OSGIN2: variants seen among roughly 807,000 people sequenced by gnomAD.
OSGIN2 encodes oxidative stress induced growth inhibitor family member 2, also known as oxidative stress-induced growth inhibitor 2.
OSGIN2 carries 19 observed loss-of-function variants against 53.8 expected under a neutral mutation model. The observed-to-expected ratio is 0.35, with a 90% CI of 0.25 to 0.52. The LOEUF (loss-of-function observed/expected upper bound fraction) is 0.52. Among genes scored for constraint, OSGIN2 ranks in the 20% least tolerant of loss-of-function variants. The probability of loss-of-function intolerance (pLI) is 0.95; values close to 1 mark genes in which losing one functional copy is unlikely to be tolerated. For synonymous variants in OSGIN2, 236 were observed against 236.0 expected (o/e 1.00, Z 0.00); for missense variants, 520 against 662.7 (o/e 0.78, Z 2.36).
At chr8:89,919,700 G>C (rs1484331040) in intron 4 of OSGIN2, among the ~76,000 whole-genome samples, 3 of 152,142 alleles carry the variant, frequency 2.0e-5, no homozygotes, top group African/African-American at 7.2e-5. Flanking sequence ...CAGGCACAAG[G>C]CTGAATTTCT....
rs2130723390 is a variant in OSGIN2, at chr8:89,927,455, A to G, written c.*1923A>G. On this transcript the variant is annotated 3_prime_UTR_variant, in exon 6 of 6. Coordinates refer to ENST00000451899, the MANE Select transcript of OSGIN2 (RefSeq NM_001126111.3). ...ATTTGGGCATTTTCTCTGATATACT[A>G]TACTCTCATGTTCTATAAATTTCTG... 1 of 152,324 alleles carries G rather than the reference A, an allele frequency of 6.6e-6. No individual in the cohort carries two copies. The highest frequency in any genetic ancestry group is 2.1e-4 in the South Asian group (1 of 4,830). 9.4% of individuals were successfully genotyped at this position (152,324 alleles called of 1,614,324 possible). A position where few individuals can be genotyped will look rare whatever the true frequency, so the allele number is the denominator to read the frequency against.
In OSGIN2 at chr8:89,924,146, A is replaced by G. The variant is rs1056387575; in HGVS notation, c.621-357A>G. On this transcript the variant is annotated intron_variant, in intron 5 of 5. Coordinates refer to ENST00000451899, the MANE Select transcript of OSGIN2 (RefSeq NM_001126111.3). ...TGAAAATAATTCAGTTGATAGTTAT[A>G]GATTATAATTGTGAGATAAAGTAGT... 4.6e-5 allele frequency among the ~76,000 whole-genome samples: 7 copies of G among 152,322 alleles called. No individual in the cohort carries two copies. In the South Asian group the frequency reaches 6.2e-4, roughly 14 times the overall value.
At chr8:89,922,982 G>T (rs916206783) in intron 5 of OSGIN2, among the ~76,000 whole-genome samples, 2 of 152,030 alleles carry the variant, frequency 1.3e-5, no homozygotes, top group African/African-American at 4.8e-5. Context: ...CGATATAAAA[G>T]ATTTAAAATG....
At chr8:89,911,183 AC>A (rs1808959416) in intron 2 of OSGIN2, among the ~76,000 whole-genome samples, 1 of 152,024 alleles carries the variant, frequency 6.6e-6, no homozygotes, top group Non-Finnish European at 1.5e-5. Context: ...TCTCCCTTTC[AC>A]CACAACTGGG....
intron 1 of OSGIN2, 28 bp from the exon 2 acceptor site, chr8:89,909,539 T>C: frequency 7.5e-7 from 1 of 1,330,574 alleles, no homozygotes. Context: ...CTATATCTCT[T>C]TTTATTCCCC....
At chr8:89,913,881 C>G (rs895729928) in intron 2 of OSGIN2, among the ~76,000 whole-genome samples, 196 bp from the exon 3 acceptor site, 1 of 152,070 alleles carries the variant, frequency 6.6e-6, no homozygotes, top group Admixed American at 6.6e-5. Context: ...AGAGTTGAAG[C>G]CTTGAGTAGA....
At chr8:89,912,472 T>C (rs753945306) in intron 2 of OSGIN2, among the ~76,000 whole-genome samples, 7 of 152,130 alleles carry the variant, frequency 4.6e-5, no homozygotes, top group Non-Finnish European at 8.8e-5. Flanking sequence ...AAACTCCTGA[T>C]TGGTTGGGCG....
intron 4 of OSGIN2, 79 bp from the exon 5 acceptor site, chr8:89,921,001 A>G: frequency 3.7e-6 from 3 of 809,814 alleles, no homozygotes; most frequent in Non-Finnish European, 6.0e-6. Flanking sequence ...TGAGATGGAT[A>G]TGGTTAAAAA....
chr8:89,925,707 T>C lies in OSGIN2; in HGVS notation c.*175T>C. Reference sequence around the variant, plus strand: ...TTTGGTATCCTGATTTATATTGCAGTGTTTCAAAGGTGTCACTGTCAGACA... The same window carrying C: ...TTTGGTATCCTGATTTATATTGCAGCGTTTCAAAGGTGTCACTGTCAGACA... On this transcript the variant is annotated 3_prime_UTR_variant, in exon 6 of 6. Transcript: ENST00000451899. 1.8e-6 allele frequency: 1 copy of C among 550,714 alleles called. No individual in the cohort carries two copies. Among genetic ancestry groups the C allele is most frequent in the Non-Finnish European group, 3.2e-6 (1 of 311,992 alleles). The allele number at this position is 550,714 out of a possible 1,614,324, so 34.1% of individuals were successfully genotyped here. A position where few individuals can be genotyped will look rare whatever the true frequency, so the allele number is the denominator to read the frequency against.
At chr8:89,911,062 A>G (rs1388214066) in intron 2 of OSGIN2, among the ~76,000 whole-genome samples, 1 of 152,202 alleles carries the variant, frequency 6.6e-6, no homozygotes, top group Non-Finnish European at 1.5e-5. Context: ...AGGTGTTGGC[A>G]GGGCTGTGTT....
intron 4 of OSGIN2, among the ~76,000 whole-genome samples, chr8:89,916,354 T>A (rs1809078865): frequency 6.6e-6 from 1 of 152,188 alleles, no homozygotes; most frequent in African/African-American, 2.4e-5. Context: ...AGTTGCTGAT[T>A]TTTTTCAGGC....
intron 1 of OSGIN2, among the ~76,000 whole-genome samples, chr8:89,909,047 TATAC>T (rs200880605): frequency 0.052 from 5,571 of 107,270 alleles, 436 homozygotes; most frequent in African/African-American, 0.19. Context: ...AATATATATA[TATAC>T]ATATATATAT....
At chr8:89,923,116 G>A (rs1010566245) in intron 5 of OSGIN2, among the ~76,000 whole-genome samples, 3 of 152,074 alleles carry the variant, frequency 2.0e-5, no homozygotes, top group African/African-American at 7.2e-5. Flanking sequence ...GAATGTGAAG[G>A]CCTAGCACAT....
rs142179963 is a variant in OSGIN2, at chr8:89,906,556, T to A, written c.45-3011T>A. Among the ~76,000 whole-genome samples the A allele has an allele frequency of 6.7e-3, 1,025 of 152,176 alleles. 14 individuals are homozygous for A. The highest frequency in any genetic ancestry group is 0.023 in the African/African-American group (943 of 41,446). On this transcript the variant is annotated intron_variant, in intron 1 of 5. Transcript: ENST00000451899. ...TTTGGTTTTCTGTTCCTGTGTTAGTTTGCTAAGGATAAGGGCCTCCAGCTC... is the reference window on the plus strand; with the variant it reads ...TTTGGTTTTCTGTTCCTGTGTTAGTATGCTAAGGATAAGGGCCTCCAGCTC...
chr8:89,914,076 G>A lies in OSGIN2; in HGVS notation c.200-1G>A. 1 of 1,608,372 alleles carries A rather than the reference G, an allele frequency of 6.2e-7. No homozygotes were observed. The stretch of plus-strand genomic sequence containing the variant: ...CCCTTTCCACCTTTTATTTTTAATA[G>A]GAAATGGACCCTCAGGAATATGCCT... On this transcript the variant is annotated splice_acceptor_variant, in intron 2 of 5. Transcript: ENST00000451899. LOFTEE classifies it high-confidence loss of function.
rs747352957 is a variant in OSGIN2, at chr8:89,921,082, T to C, written c.531T>C (p.Asn177=). Residue 177 remains asparagine (N), a splice_region_variant and synonymous_variant, in exon 5 of 6, where the codon AAT becomes AAC. Transcript: ENST00000451899. ...TTTTTTTTTTTAAACTCTAATAGAA[T>C]ATGGAAGGCTCCATGTTGACAATCA... is the stretch of plus-strand genomic sequence containing the variant. ...GKGPPGGAWH[N]MEGSMLTISF... is the part of the protein sequence containing the mutation. 3.8e-6 allele frequency: 6 copies of C among 1,559,290 alleles called. No individual in the cohort carries two copies. The highest frequency in any genetic ancestry group is 5.3e-6 in the Non-Finnish European group (6 of 1,142,390).
At position 89,924,654 on chromosome 8, in the gene OSGIN2, C is replaced by G; in HGVS notation, c.772C>G (p.Gln258Glu). ...LYRDQDDDDI[Q>E]DRDISTKHLQ... ...CAGAGATCAAGATGATGATGATATT[C>G]AAGACAGAGATATTTCAACAAAGCA... Residue 258 changes from glutamine (Q) to glutamate (E), a missense_variant, in exon 6 of 6, where the codon CAA becomes GAA. Gln to Glu is a conservative substitution (Grantham distance 29, BLOSUM62 2). Coordinates refer to ENST00000451899, the MANE Select transcript of OSGIN2 (RefSeq NM_001126111.3). 1 of 1,614,014 alleles carries G rather than the reference C, an allele frequency of 6.2e-7. No homozygotes were observed. The highest frequency in any genetic ancestry group is 8.5e-7 in the Non-Finnish European group (1 of 1,179,922).
Position 89,909,660 on chromosome 8 carries a change from A to G in OSGIN2, c.138A>G (p.Pro46=), listed in dbSNP as rs1032979001. The change falls in exon 2 of 6, where the codon CCA becomes CCG. Residue 46 remains proline (P), a synonymous_variant. Transcript: ENST00000451899. The part of the protein sequence containing the change: ...DNLGRKVKAM[P]LVEETSLLED... ...TGGGGCGAAAAGTTAAAGCGATGCC[A>G]TTAGTTGAAGAAACTTCTTTACTGG... 2 of 1,611,284 alleles carry G rather than the reference A, an allele frequency of 1.2e-6. No individual in the cohort carries two copies. The highest frequency in any genetic ancestry group is 1.7e-6 in the Non-Finnish European group (2 of 1,178,068).
chr8:89,925,571 T>G lies in OSGIN2; in HGVS notation c.*39T>G. 1.3e-6 allele frequency: 2 copies of G among 1,511,270 alleles called. No individual in the cohort carries two copies. The highest frequency in any genetic ancestry group is 1.8e-6 in the Non-Finnish European group (2 of 1,106,736). The allele number at this position is 1,511,270 out of a possible 1,614,324, so 93.6% of individuals were successfully genotyped here. A position where few individuals can be genotyped will look rare whatever the true frequency, so the allele number is the denominator to read the frequency against. On this transcript the variant is annotated 3_prime_UTR_variant, in exon 6 of 6. Transcript: ENST00000451899. Reference sequence around the variant, plus strand: ...GTAATTAAAATGGACAGTTTGCCATTAAAGATTTTTAATAGTGGTTTTGCA... The same window carrying G: ...GTAATTAAAATGGACAGTTTGCCATGAAAGATTTTTAATAGTGGTTTTGCA...
Sources: gnomAD v4.1 joint callset for allele counts (sites outside exome capture counted in the v4.1 genomes callset) on GRCh38, gnomAD v4.1.1 for gene constraint, MANE v1.5 for transcripts, NCBI Gene and HGNC (gene_info 2026-07-23, HGNC 2026-07-21) for gene names.